Variants in PTPRT observed in about 807,000 individuals in gnomAD.
PTPRT encodes the protein receptor-type tyrosine-protein phosphatase T.
PTPRT carries 56 observed loss-of-function variants against 176.8 expected under a neutral mutation model. That is an observed-to-expected ratio of 0.32 (90% CI 0.26 to 0.40). The LOEUF (loss-of-function observed/expected upper bound fraction) is 0.40, where lower values mean the gene tolerates loss of function less well. PTPRT is among the 10% of genes least tolerant of loss of function. The pLI is 1.00. For synonymous variants in PTPRT, 783 were observed against 739.0 expected, an observed-to-expected ratio of 1.06 and a Z score of -0.96; for missense variants, 1,540 against 1,908.2, an observed-to-expected ratio of 0.81 and a Z score of 3.60.
Position 42,711,926 on chromosome 20 carries a change from G to A in PTPRT, c.860-33767C>T, listed in dbSNP as rs2076150305. 2.0e-5 allele frequency among the ~76,000 whole-genome samples: 3 copies of A among 151,992 alleles called. No homozygotes were observed. In the South Asian group the frequency reaches 6.2e-4, roughly 32 times the overall value. On this transcript the variant is annotated intron_variant, in intron 6 of 30. Coordinates refer to ENST00000373187, the MANE Select transcript of PTPRT (RefSeq NM_007050.6). ...TGATAGAACCAAGACTCAAGTTCAG[G>A]TGGCCTGACTCCACAGCCCATGACT...
chr20:43,027,390 C>T lies in PTPRT; in HGVS notation c.89-141458G>A, dbSNP rs192883470. ...ACTTGGGAGGCTGAGGCAGGAGAATCGTTTGAACCCAGGAGGTGGAGGTTG... is the reference window on the plus strand; with the variant it reads ...ACTTGGGAGGCTGAGGCAGGAGAATTGTTTGAACCCAGGAGGTGGAGGTTG... On this transcript the variant is annotated intron_variant, in intron 1 of 30. Coordinates refer to ENST00000373187, the MANE Select transcript of PTPRT (RefSeq NM_007050.6). Among the ~76,000 whole-genome samples, 452 of 150,946 alleles carry T rather than the reference C, an allele frequency of 3.0e-3. 3 individuals carry two copies. Among genetic ancestry groups the T allele is most frequent in the African/African-American group, 0.01 (422 of 41,142 alleles).
At chr20:43,011,773 A>G (rs118019062) in intron 1 of PTPRT, among the ~76,000 whole-genome samples, 5 of 152,212 alleles carry the variant, frequency 3.3e-5, no homozygotes, top group African/African-American at 1.2e-4. Flanking sequence ...GGAGATCAAC[A>G]TAAGTCAGTG....
intron 5 of PTPRT, among the ~76,000 whole-genome samples, chr20:42,761,542 G>A (rs955827364): frequency 1.3e-5 from 2 of 152,164 alleles, no homozygotes; most frequent in African/African-American, 4.8e-5. Context: ...GGCCATTTTT[G>A]TTTTAACAAA....
At chr20:42,105,172 A>T (rs1335986469) in intron 24 of PTPRT, among the ~76,000 whole-genome samples, 1 of 152,206 alleles carries the variant, frequency 6.6e-6, no homozygotes, top group Non-Finnish European at 1.5e-5. Flanking sequence ...CTTTAGGTGG[A>T]ATCACTTGGA....
intron 1 of PTPRT, among the ~76,000 whole-genome samples, chr20:43,029,164 T>A (rs916171118): frequency 2.0e-5 from 3 of 152,192 alleles, no homozygotes; most frequent in African/African-American, 4.8e-5. Context: ...TTGTGAATGA[T>A]TGGAACAAAT....
At chr20:43,041,866 C>G (rs535368091) in intron 1 of PTPRT, among the ~76,000 whole-genome samples, 9 of 152,290 alleles carry the variant, frequency 5.9e-5, no homozygotes, top group Admixed American at 2.0e-4. Context: ...GTACATGAGG[C>G]AGAAATATGT....
At chr20:42,494,711 T>C (rs1196354084) in intron 7 of PTPRT, among the ~76,000 whole-genome samples, 3 of 152,092 alleles carry the variant, frequency 2.0e-5, no homozygotes, top group Non-Finnish European at 4.4e-5. Context: ...AGAAAGAACT[T>C]TGTGTATTTG....
intron 7 of PTPRT, among the ~76,000 whole-genome samples, chr20:42,631,280 T>A (rs1469678731): frequency 1.3e-5 from 2 of 152,132 alleles, no homozygotes; most frequent in African/African-American, 2.4e-5. Flanking sequence ...AAAAAGCATT[T>A]TTTTCTAAAC....
intron 9 of PTPRT, among the ~76,000 whole-genome samples, chr20:42,389,619 G>A (rs1290652755): frequency 1.3e-5 from 2 of 152,054 alleles, no homozygotes; most frequent in African/African-American, 2.4e-5. Context: ...GGAGGACAAG[G>A]CGAGAGACTT....
the PTPRT span, among the ~76,000 whole-genome samples, chr20:42,048,793 A>G: frequency 3.3e-5 from 5 of 152,122 alleles, no homozygotes; most frequent in African/African-American, 1.2e-4. Context: ...TTTTGAGCCT[A>G]ATAAAATACT....
chr20:42,626,612 G>T lies in PTPRT; in HGVS notation c.1153+51254C>A, dbSNP rs2074294001. Among the ~76,000 whole-genome samples the T allele has an allele frequency of 2.0e-5, 3 of 152,126 alleles. No individual in the cohort carries two copies. In the South Asian group the frequency reaches 6.2e-4, roughly 32 times the overall value. ...TCCTGCCTTGACCAGCCCCAGCTAGGCCTCTTTAGTTGCAAGATTCCAAGA... is the reference window on the plus strand; with the variant it reads ...TCCTGCCTTGACCAGCCCCAGCTAGTCCTCTTTAGTTGCAAGATTCCAAGA... On this transcript the variant is annotated intron_variant, in intron 7 of 30. Transcript: ENST00000373187.
At chr20:42,567,592 T>C (rs1009014142) in intron 7 of PTPRT, among the ~76,000 whole-genome samples, 1 of 152,206 alleles carries the variant, frequency 6.6e-6, no homozygotes, top group African/African-American at 2.4e-5. Context: ...TCAGAAGCCT[T>C]GTCTGCTTCA....
chr20:42,850,842 C>A (rs912855364), intron 2 of PTPRT, among the ~76,000 whole-genome samples: 3 of 152,170 alleles, frequency 2.0e-5, no homozygotes, highest in Non-Finnish European at 4.4e-5. Context: ...CTTCAAAGAG[C>A]AGCCCTTGGA....
chr20:43,008,734 T>G (rs556883295), intron 1 of PTPRT, among the ~76,000 whole-genome samples: 14 of 152,258 alleles, frequency 9.2e-5, no homozygotes, highest in African/African-American at 3.1e-4. Flanking sequence ...AAATTTCTGT[T>G]GTTTATAAGC....
intron 16 of PTPRT, among the ~76,000 whole-genome samples, chr20:42,169,062 G>C (rs1425820800): frequency 6.6e-6 from 1 of 152,056 alleles, no homozygotes; most frequent in Non-Finnish European, 1.5e-5. Context: ...CAAACCCAAT[G>C]GCCTGAAGAA....
At chr20:42,289,359 G>T (rs1326884818) in intron 12 of PTPRT, among the ~76,000 whole-genome samples, 1 of 151,890 alleles carries the variant, frequency 6.6e-6, no homozygotes, top group Non-Finnish European at 1.5e-5. Context: ...CAGAATAGGA[G>T]AAAATATTTG....
In PTPRT at chr20:42,791,344, C is replaced by T. The variant is rs370787491; in HGVS notation, c.337G>A (p.Asp113Asn). 120 of 1,614,084 alleles carry T rather than the reference C, an allele frequency of 7.4e-5. No individual in the cohort carries two copies. Among genetic ancestry groups the T allele is most frequent in the Non-Finnish European group, 9.7e-5 (115 of 1,180,046 alleles). Reference sequence around the variant, plus strand: ...TTCAAGGCCCCTGGGCTGGACCTGTCACGGCTGGAGAAGTAGTAATGGAAG... The same window carrying T: ...TTCAAGGCCCCTGGGCTGGACCTGTTACGGCTGGAGAAGTAGTAATGGAAG... ...IDFHYYFSSR[D>N]RSSPGALNVY... is the part of the protein sequence containing the mutation. The change falls in exon 3 of 31, where the codon GAC becomes AAC. Residue 113 changes from aspartate to asparagine, a missense_variant. Physicochemically the swap from Asp to Asn is conservative, Grantham distance 23. Transcript: ENST00000373187.
At chr20:42,220,060 C>A (rs962832448) in intron 15 of PTPRT, among the ~76,000 whole-genome samples, 3 of 144,506 alleles carry the variant, frequency 2.1e-5, no homozygotes, top group East Asian at 2.1e-4. Flanking sequence ...TATTTTTCAA[C>A]ATATAAAAAT....
At chr20:42,443,662 C>T (rs1034660094) in intron 9 of PTPRT, among the ~76,000 whole-genome samples, 5 of 152,038 alleles carry the variant, frequency 3.3e-5, no homozygotes, top group Admixed American at 3.3e-4. Flanking sequence ...GTTTCATAGC[C>T]CTGGAGTGGT....
Sources: allele counts gnomAD v4.1 joint callset (sites outside exome capture counted in the v4.1 genomes callset), GRCh38; gene constraint gnomAD v4.1.1; transcripts MANE v1.5; gene names NCBI Gene and HGNC (gene_info 2026-07-23, HGNC 2026-07-21).